The following CAPRIN1 variants were observed in gnomAD, a reference collection of about 807,000 sequenced individuals.
CAPRIN1 encodes caprin-1.
Under a neutral mutation model 100.9 loss-of-function variants are expected in CAPRIN1, and 29 were observed. That is an observed-to-expected ratio of 0.29 (90% CI 0.21 to 0.39). CAPRIN1 has a LOEUF of 0.39. CAPRIN1 is among the 10% of genes least tolerant of loss of function. The probability of loss-of-function intolerance (pLI) is 1.00; values close to 1 mark genes in which losing one functional copy is unlikely to be tolerated. For missense variants in CAPRIN1, 795 were observed against 876.7 expected, an observed-to-expected ratio of 0.91 and a Z score of 1.18; for synonymous variants, 338 against 307.5, an observed-to-expected ratio of 1.10 and a Z score of -1.04.
intron 2 of CAPRIN1, among the ~76,000 whole-genome samples, chr11:34,057,201 A>G (rs768138708): frequency 2.0e-5 from 3 of 152,222 alleles, no homozygotes; most frequent in Non-Finnish European, 4.4e-5. Flanking sequence ...ATGGGTTGCA[A>G]GAACTATTCT....
At chr11:34,080,449 G>T (rs910525566) in intron 7 of CAPRIN1, among the ~76,000 whole-genome samples, 1 of 152,200 alleles carries the variant, frequency 6.6e-6, no homozygotes, top group Non-Finnish European at 1.5e-5. Context: ...CTATGCCAGT[G>T]CATTGGAGGA....
intron 2 of CAPRIN1, among the ~76,000 whole-genome samples, chr11:34,068,384 T>C (rs1590727103): frequency 6.6e-6 from 1 of 152,306 alleles, no homozygotes; most frequent in Non-Finnish European, 1.5e-5. Flanking sequence ...GCAGGGGAAG[T>C]AGACTAGTTG....
intron 4 of CAPRIN1, among the ~76,000 whole-genome samples, chr11:34,074,137 A>G (rs1399352472): frequency 6.6e-6 from 1 of 152,244 alleles, no homozygotes; most frequent in Non-Finnish European, 1.5e-5. Flanking sequence ...TTCAGACCAT[A>G]GCACCAAAGG....
chr11:34,074,681 G>C (rs926029359), intron 4 of CAPRIN1, among the ~76,000 whole-genome samples: 2 of 152,124 alleles, frequency 1.3e-5, no homozygotes, highest in South Asian at 4.1e-4. Flanking sequence ...TCAGAAGTTC[G>C]AGACCAGCCT....
chr11:34,075,633 T>A (rs2134109542), intron 4 of CAPRIN1, among the ~76,000 whole-genome samples: 1 of 152,348 alleles, frequency 6.6e-6, no homozygotes, highest in South Asian at 2.1e-4. Flanking sequence ...GTTTTTGGCA[T>A]TTCCTTGTGA....
intron 14 of CAPRIN1, among the ~76,000 whole-genome samples, chr11:34,091,004 G>A (rs983721050): frequency 3.9e-5 from 6 of 152,118 alleles, no homozygotes; most frequent in Non-Finnish European, 8.8e-5. Context: ...AGATTTAATA[G>A]TTGCCCTGTT....
chr11:34,081,430 C>T (rs4132986), intron 7 of CAPRIN1, among the ~76,000 whole-genome samples: 9,201 of 151,864 alleles, frequency 0.061, 414 homozygotes, highest in Non-Finnish European at 0.095. Context: ...AACTCCTGAC[C>T]TCAGGTTATC....
At chr11:34,072,965 G>A (rs1330780691) in intron 4 of CAPRIN1, among the ~76,000 whole-genome samples, 2 of 152,158 alleles carry the variant, frequency 1.3e-5, no homozygotes, top group Non-Finnish European at 2.9e-5. Flanking sequence ...TAGTCTAGGA[G>A]CTAATATGCT....
intron 2 of CAPRIN1, among the ~76,000 whole-genome samples, chr11:34,071,219 C>T (rs1850799095): frequency 6.6e-6 from 1 of 152,190 alleles, no homozygotes; most frequent in Admixed American, 6.5e-5. Context: ...CATTGGTTTA[C>T]AGTACAGCCT....
At chr11:34,098,163 A>G in intron 18 of CAPRIN1, 8 of 1,002,684 alleles carry the variant, frequency 8.0e-6, no homozygotes, top group Non-Finnish European at 9.5e-6. Flanking sequence ...AAACATGCCT[A>G]TTATATTTTA....
chr11:34,072,826 A>G (rs1336952215), intron 4 of CAPRIN1, among the ~76,000 whole-genome samples: 1 of 152,234 alleles, frequency 6.6e-6, no homozygotes, highest in East Asian at 1.9e-4. Context: ...TGGACCACAT[A>G]TATGATGATG....
intron 1 of CAPRIN1, 72 bp from the exon 2 acceptor site, chr11:34,052,349 C>G (rs1850335468): frequency 8.0e-7 from 1 of 1,246,864 alleles, no homozygotes; most frequent in South Asian, 1.3e-5. Context: ...CCGCGTCTCG[C>G]CCCGTCCGTC....
intron 2 of CAPRIN1, among the ~76,000 whole-genome samples, chr11:34,067,350 A>G (rs1198467403): frequency 6.6e-6 from 1 of 152,198 alleles, no homozygotes; most frequent in Non-Finnish European, 1.5e-5. Flanking sequence ...GTTATGATTT[A>G]CATACTTATT....
intron 2 of CAPRIN1, among the ~76,000 whole-genome samples, chr11:34,057,071 ATG>A (rs1850465862): frequency 6.6e-6 from 1 of 152,228 alleles, no homozygotes; most frequent in Non-Finnish European, 1.5e-5. Context: ...TGCAGAACTT[ATG>A]TGTTCAGTGT....
chr11:34,096,734 T>C (rs1316460079), intron 16 of CAPRIN1, 61 bp downstream of exon 16: 43 of 1,312,566 alleles, frequency 3.3e-5, no homozygotes, highest in Non-Finnish European at 4.2e-5. Context: ...TTTTTTGATT[T>C]GTAAAATATA....
At chr11:34,061,969 C>CA (rs3073356) in intron 2 of CAPRIN1, among the ~76,000 whole-genome samples, 1,778 of 118,218 alleles carry the variant, frequency 0.015, 76 homozygotes, top group African/African-American at 0.031. Context: ...GAGTCTGTCT[C>CA]AAAAAAAAAA....
At chr11:34,061,086 A>G (rs1189217241) in intron 2 of CAPRIN1, among the ~76,000 whole-genome samples, 1 of 152,138 alleles carries the variant, frequency 6.6e-6, no homozygotes, top group Non-Finnish European at 1.5e-5. Context: ...AAAGGTTTTT[A>G]CAGGATTGGC....
intron 18 of CAPRIN1, chr11:34,098,098 T>C: frequency 3.9e-6 from 4 of 1,026,744 alleles, no homozygotes; most frequent in Non-Finnish European, 4.7e-6. Flanking sequence ...GTAAGACATT[T>C]TTGGAATGAG....
chr11:34,099,098 C>A (rs1851415355), intron 18 of CAPRIN1: 3 of 1,423,542 alleles, frequency 2.1e-6, no homozygotes, highest in Non-Finnish European at 2.7e-6. Flanking sequence ...TAGCTTTACT[C>A]TTCTTTTAGC....
Sources: gnomAD v4.1 joint callset for allele counts (sites outside exome capture counted in the v4.1 genomes callset) on GRCh38, gnomAD v4.1.1 for gene constraint, MANE v1.5 for transcripts, NCBI Gene and HGNC (gene_info 2026-07-23, HGNC 2026-07-21) for gene names.